Variants in TTC28 observed in about 807,000 individuals in gnomAD.
TTC28 encodes tetratricopeptide repeat protein 28.
In TTC28, 61 loss-of-function variants were observed where a neutral mutation model predicts 198.0. The observed-to-expected ratio is 0.31, with a 90% CI of 0.25 to 0.38. The LOEUF is 0.38. TTC28 is among the 10% of genes least tolerant of loss of function. The pLI, the probability that TTC28 is intolerant of heterozygous loss-of-function variation, is 1.00. For missense variants in TTC28, 2,678 were observed against 3,164.0 expected, an observed-to-expected ratio of 0.85 and a Z score of 3.69; for synonymous variants, 1,171 against 1,297.8, an observed-to-expected ratio of 0.90 and a Z score of 2.10.
Position 28,350,439 on chromosome 22 carries a change from A to C in TTC28, c.382-43796T>G, listed in dbSNP as rs572473872. ...TTCATGGTTTAATGTGTTTTGCTCA[A>C]ATCCTAAAATTTGCTTTGGGGTCAA... On this transcript the variant is annotated intron_variant, in intron 2 of 22. Coordinates refer to ENST00000397906, the MANE Select transcript of TTC28 (RefSeq NM_001145418.2). 5.9e-5 allele frequency among the ~76,000 whole-genome samples: 9 copies of C among 152,304 alleles called. No homozygotes were observed. The South Asian group carries it at 1.9e-3, about 32-fold the overall frequency.
At chr22:28,211,589 A>C (rs1254531107) in intron 5 of TTC28, among the ~76,000 whole-genome samples, 1 of 152,176 alleles carries the variant, frequency 6.6e-6, no homozygotes, top group Non-Finnish European at 1.5e-5. Flanking sequence ...TAACTATCCT[A>C]AATATATATG....
intron 14 of TTC28, among the ~76,000 whole-genome samples, chr22:28,012,358 C>T (rs1938195687): frequency 6.6e-6 from 1 of 152,124 alleles, no homozygotes; most frequent in Non-Finnish European, 1.5e-5. Context: ...AATGTGCATG[C>T]AAGGATGTGA....
intron 2 of TTC28, among the ~76,000 whole-genome samples, chr22:28,553,384 C>T (rs2049726188): frequency 6.6e-6 from 1 of 151,710 alleles, no homozygotes; most frequent in Non-Finnish European, 1.5e-5. Context: ...AAGTGAGGAG[C>T]GTCTCTGCCC....
chr22:28,579,785 A>G (rs1287672569), intron 2 of TTC28, among the ~76,000 whole-genome samples: 3 of 152,022 alleles, frequency 2.0e-5, no homozygotes, highest in African/African-American at 7.2e-5. Flanking sequence ...CCTGGCCAAC[A>G]TAGTGAAAGC....
intron 1 of TTC28, among the ~76,000 whole-genome samples, chr22:28,660,831 G>A (rs993900905): frequency 2.0e-5 from 3 of 149,100 alleles, no homozygotes; most frequent in Non-Finnish European, 4.4e-5. Flanking sequence ...GCCAATTTTT[G>A]TATTTTTAGT....
intron 2 of TTC28, among the ~76,000 whole-genome samples, chr22:28,537,059 C>T (rs1159325630): frequency 1.3e-5 from 2 of 151,652 alleles, no homozygotes; most frequent in East Asian, 3.9e-4. Context: ...TTCGGGAGGC[C>T]GAGGCAGGCG....
chr22:28,334,356 G>C (rs2045670690), intron 2 of TTC28, among the ~76,000 whole-genome samples: 1 of 151,988 alleles, frequency 6.6e-6, no homozygotes, highest in Non-Finnish European at 1.5e-5. Flanking sequence ...TAATCCTTTG[G>C]GTATATACCC....
chr22:28,164,178 C>T (rs1426594601), intron 5 of TTC28, among the ~76,000 whole-genome samples: 2 of 152,172 alleles, frequency 1.3e-5, no homozygotes, highest in African/African-American at 2.4e-5. Context: ...CACCACAGTT[C>T]AAAGAGGCCT....
chr22:28,179,465 C>A (rs889382379), intron 5 of TTC28, among the ~76,000 whole-genome samples: 1 of 152,132 alleles, frequency 6.6e-6, no homozygotes, highest in Non-Finnish European at 1.5e-5. Context: ...TGGCCTAGGG[C>A]GGTTTTTAAG....
Position 28,094,113 on chromosome 22 carries a change from C to T in TTC28, c.3899G>A (p.Arg1300Gln), listed in dbSNP as rs758943310. ...GTGAGACTCCACCCCCAGGGCCTCC[C>T]GGACACTGGCAATGTGCTGCTCCAG... ...SALEQHIASVREALGVESHYS... is the reference protein window; with the variant it reads ...SALEQHIASVQEALGVESHYS... The change falls in exon 12 of 23, where the codon CGG becomes CAG. Residue 1300 changes from arginine (R) to glutamine (Q), a missense_variant. Physicochemically the swap from Arg to Gln is conservative, Grantham distance 43 (BLOSUM62 1). This residue lies in a region of TTC28 where 727 missense variants were observed against 861.9 expected (regional missense o/e 0.84). Transcript: ENST00000397906. 31 of 1,550,844 alleles carry T rather than the reference C, an allele frequency of 2.0e-5. No homozygotes were observed. The South Asian group carries it at 2.6e-4, about 13-fold the overall frequency.
intron 5 of TTC28, among the ~76,000 whole-genome samples, chr22:28,290,496 T>G (rs993338391): frequency 3.3e-5 from 5 of 152,200 alleles, no homozygotes; most frequent in African/African-American, 1.2e-4. Flanking sequence ...TCAAATAATT[T>G]GCATTACAAG....
rs1937907504 is a variant in TTC28, at chr22:28,005,757, G to A, written c.4219-4204C>T. Among the ~76,000 whole-genome samples, 1 of 152,184 alleles carries A rather than the reference G, an allele frequency of 6.6e-6. No homozygotes were observed. The highest frequency in any genetic ancestry group is 2.4e-5 in the African/African-American group (1 of 41,446). On this transcript the variant is annotated intron_variant, in intron 14 of 22. Transcript: ENST00000397906. This position sits in a 1 kb window ranked among gnomAD's most constrained non-coding sequence, Gnocchi z 4.9. ...CTATCACCGCTGGAAGCTGATGGCTGCTCTCCTGCCCACACTCAGGGGGCT... is the reference window on the plus strand; with the variant it reads ...CTATCACCGCTGGAAGCTGATGGCTACTCTCCTGCCCACACTCAGGGGGCT...
chr22:28,190,142 C>T (rs1375942083), intron 5 of TTC28, among the ~76,000 whole-genome samples: 1 of 152,182 alleles, frequency 6.6e-6, no homozygotes, highest in African/African-American at 2.4e-5. Context: ...GCTGGCTGTG[C>T]CCACAACCTG....
At chr22:28,515,518 T>C (rs1395510458) in intron 2 of TTC28, among the ~76,000 whole-genome samples, 3 of 152,220 alleles carry the variant, frequency 2.0e-5, no homozygotes, top group African/African-American at 7.2e-5. Context: ...TGCTGTTTGC[T>C]AAAGTAGTTT....
At chr22:28,629,447 T>C (rs895612559) in intron 2 of TTC28, 105 bp downstream of exon 2, 1 of 1,177,408 alleles carries the variant, frequency 8.5e-7, no homozygotes, top group Non-Finnish European at 1.2e-6. Context: ...GTACAGATTA[T>C]TAAAATATTA....
At position 28,016,880 on chromosome 22, in the gene TTC28, A is replaced by G. The variant is rs531648562; in HGVS notation, c.4074-2488T>C. Among the ~76,000 whole-genome samples, 10 of 152,332 alleles carry G rather than the reference A, an allele frequency of 6.6e-5. No homozygotes were observed. The South Asian group carries it at 1.9e-3, about 28-fold the overall frequency. On this transcript the variant is annotated intron_variant, in intron 13 of 22. Coordinates refer to ENST00000397906, the MANE Select transcript of TTC28 (RefSeq NM_001145418.2). ...CATCTGACCCCTCCCTGAGGAGCAC[A>G]AGATGTCAGGTTGGGCAGTCCCTGG...
At chr22:28,038,989 A>ATGAT (rs1484448842) in intron 12 of TTC28, among the ~76,000 whole-genome samples, 3 of 152,354 alleles carry the variant, frequency 2.0e-5, no homozygotes, top group African/African-American at 7.2e-5. Flanking sequence ...CACACCAGTT[A>ATGAT]GAATGGCGAT....
At chr22:28,414,298 T>C (rs1304009299) in intron 2 of TTC28, among the ~76,000 whole-genome samples, 1 of 152,176 alleles carries the variant, frequency 6.6e-6, no homozygotes, top group Non-Finnish European at 1.5e-5. Flanking sequence ...AAATCTGAAG[T>C]TGATCAGACT....
chr22:28,091,044 C>T, intron 12 of TTC28, among the ~76,000 whole-genome samples: 1 of 152,200 alleles, frequency 6.6e-6, no homozygotes. Flanking sequence ...CCTAAGGACT[C>T]ATTAGCTCTC....
Sources: allele counts gnomAD v4.1 joint callset (sites outside exome capture counted in the v4.1 genomes callset), GRCh38; gene constraint gnomAD v4.1.1; regional missense constraint gnomAD v4.1.1; non-coding constraint Gnocchi (gnomAD v3.1); transcripts MANE v1.5; gene names NCBI Gene and HGNC (gene_info 2026-07-23, HGNC 2026-07-21).